Variants in LRRIQ3 observed in about 807,000 individuals in gnomAD.
LRRIQ3 encodes leucine rich repeats and IQ motif containing 3, also known as leucine-rich repeat and IQ domain-containing protein 3.
LRRIQ3 carries 75 observed loss-of-function variants against 59.3 expected under a neutral mutation model. The ratio of observed to expected loss-of-function variants is 1.26; its 90% CI spans 1.05 to 1.53. LRRIQ3 has a LOEUF of 1.53. Ranked by LOEUF, LRRIQ3 falls within the 40% of genes most tolerant of loss-of-function variation. The pLI, the probability that LRRIQ3 is intolerant of heterozygous loss-of-function variation, is 0.00. For missense variants in LRRIQ3, 831 were observed against 710.0 expected, an observed-to-expected ratio of 1.17 and a Z score of -1.94; for synonymous variants, 250 against 231.3, an observed-to-expected ratio of 1.08 and a Z score of -0.73.
At chr1:74,168,808 G>A (rs1269258392) in intron 3 of LRRIQ3, among the ~76,000 whole-genome samples, 1 of 151,892 alleles carries the variant, frequency 6.6e-6, no homozygotes, top group African/African-American at 2.4e-5. Context: ...ATTATGTATG[G>A]ACATATGTAT....
chr1:74,124,946 G>T (rs1646914196), intron 4 of LRRIQ3, among the ~76,000 whole-genome samples: 1 of 151,898 alleles, frequency 6.6e-6, no homozygotes, highest in Non-Finnish European at 1.5e-5. Context: ...AGATTGCTTT[G>T]AGTAGTATGG....
rs143515856 is a variant in LRRIQ3 at position 74,118,970 on chromosome 1, A to G, written c.708-9417T>C. 7.3e-3 allele frequency among the ~76,000 whole-genome samples: 1,104 copies of G among 152,266 alleles called. 13 individuals are homozygous for G. Among genetic ancestry groups the G allele is most frequent in the African/African-American group, 0.026 (1,067 of 41,560 alleles). On this transcript the variant is annotated intron_variant, in intron 4 of 7. Transcript: ENST00000354431. ...TTATGGAGGGTAATATGCTTCACTC[A>G]AAGTCTACAAATTTAAATGTTAATC...
At chr1:74,082,353 T>C (rs530617838) in intron 5 of LRRIQ3, 63 of 151,666 alleles carry the variant, frequency 4.2e-4, no homozygotes, top group African/African-American at 1.4e-3. Context: ...AATCTAATCA[T>C]TTTAATGAAA....
chr1:74,073,566 A>G, intron 6 of LRRIQ3, among the ~76,000 whole-genome samples: 1 of 151,768 alleles, frequency 6.6e-6, no homozygotes, highest in East Asian at 1.9e-4. Flanking sequence ...ACACACACAA[A>G]GGCTTTTCAG....
At chr1:74,140,076 C>T (rs1238788406) in intron 4 of LRRIQ3, among the ~76,000 whole-genome samples, 1 of 151,420 alleles carries the variant, frequency 6.6e-6, no homozygotes, top group Non-Finnish European at 1.5e-5. Flanking sequence ...ATTTAATACC[C>T]CAAACATCAG....
chr1:74,054,560 T>G (rs1654465086), intron 6 of LRRIQ3, among the ~76,000 whole-genome samples: 1 of 152,022 alleles, frequency 6.6e-6, no homozygotes, highest in Non-Finnish European at 1.5e-5. Flanking sequence ...TAGTTTAAGT[T>G]CATCTATTGT....
intron 4 of LRRIQ3, among the ~76,000 whole-genome samples, chr1:74,136,442 G>A (rs1349981129): frequency 2.6e-5 from 4 of 151,976 alleles, no homozygotes; most frequent in African/African-American, 9.7e-5. Context: ...TAGCACAGCA[G>A]TGAGCATCAT....
chr1:74,071,486 C>T (rs1266524175), intron 6 of LRRIQ3, among the ~76,000 whole-genome samples: 1 of 152,102 alleles, frequency 6.6e-6, no homozygotes. Context: ...TCACTAGAGA[C>T]TTTGTTTTTC....
At chr1:74,043,296 A>G (rs913998822) in intron 6 of LRRIQ3, among the ~76,000 whole-genome samples, 1 of 152,094 alleles carries the variant, frequency 6.6e-6, no homozygotes, top group African/African-American at 2.4e-5. Flanking sequence ...TTAGAAAATT[A>G]CCTTGTCTTT....
In LRRIQ3 at chr1:74,096,734, G is replaced by T. The variant is rs1303212042; in HGVS notation, c.867+12660C>A. ...CATACAGATGGGGTTTTGGTGTGGA[G>T]GTCCTTTCAGTTTGTTAGCTTTCCT... On this transcript the variant is annotated intron_variant, in intron 5 of 7. Transcript: ENST00000354431. Among the ~76,000 whole-genome samples, 7 of 152,022 alleles carry T rather than the reference G, an allele frequency of 4.6e-5. No individual in the cohort carries two copies. The East Asian group carries it at 1.2e-3, about 25-fold the overall frequency.
At chr1:74,096,021 A>C (rs2100527579) in intron 5 of LRRIQ3, among the ~76,000 whole-genome samples, 1 of 152,164 alleles carries the variant, frequency 6.6e-6, no homozygotes, top group South Asian at 2.1e-4. Flanking sequence ...GCATTAATTT[A>C]TTTAAAATAA....
intron 5 of LRRIQ3, among the ~76,000 whole-genome samples, chr1:74,079,377 T>A (rs527450652): frequency 2.0e-5 from 3 of 151,676 alleles, no homozygotes; most frequent in African/African-American, 7.3e-5. Flanking sequence ...TTGTGTAAGA[T>A]CTTTCTTCTG....
At chr1:74,157,097 T>C (rs1174955837) in intron 3 of LRRIQ3, among the ~76,000 whole-genome samples, 1 of 152,130 alleles carries the variant, frequency 6.6e-6, no homozygotes, top group Non-Finnish European at 1.5e-5. Context: ...ATTATAAACT[T>C]ATTTCCTTGG....
intron 4 of LRRIQ3, among the ~76,000 whole-genome samples, chr1:74,139,126 GTATA>G (rs61625595): frequency 0.014 from 2,080 of 148,938 alleles, 28 homozygotes; most frequent in Middle Eastern, 0.032. Context: ...ATGTGTGTGT[GTATA>G]TATATATATA....
At position 74,198,109 on chromosome 1, in the gene LRRIQ3, A is replaced by T. The variant is rs778748702; in HGVS notation, c.-114T>A. 5 of 1,363,968 alleles carry T rather than the reference A, an allele frequency of 3.7e-6. No individual in the cohort carries two copies. The highest frequency in any genetic ancestry group is 3.9e-6 in the Non-Finnish European group (4 of 1,032,934). The allele number at this position is 1,363,968 out of a possible 1,614,324, so 84.5% of individuals were successfully genotyped here. Reference sequence around the variant, plus strand: ...TCCTGAGACCGTTGCTAGAGAAACAAGACAACATCCAAGTTCTCCACATCA... The same window carrying T: ...TCCTGAGACCGTTGCTAGAGAAACATGACAACATCCAAGTTCTCCACATCA... On this transcript the variant is annotated 5_prime_UTR_variant, in exon 1 of 8. The change creates a new upstream start codon in the 5' untranslated region. Coordinates refer to ENST00000354431, the MANE Select transcript of LRRIQ3 (RefSeq NM_001105659.2).
intron 3 of LRRIQ3, among the ~76,000 whole-genome samples, chr1:74,165,135 A>C (rs753109802): frequency 6.6e-6 from 1 of 151,570 alleles, no homozygotes; most frequent in Non-Finnish European, 1.5e-5. Context: ...TTCTTTTAAC[A>C]ATTCTAGTTT....
intron 5 of LRRIQ3, among the ~76,000 whole-genome samples, chr1:74,088,257 CA>C (rs1368128366): frequency 3.9e-5 from 6 of 152,102 alleles, no homozygotes; most frequent in South Asian, 4.2e-4. Flanking sequence ...GAAAATAACA[CA>C]ACATTCATAC....
intron 3 of LRRIQ3, among the ~76,000 whole-genome samples, chr1:74,167,322 G>A (rs1390211961): frequency 6.6e-6 from 1 of 151,710 alleles, no homozygotes; most frequent in African/African-American, 2.4e-5. Flanking sequence ...GGATGAAATT[G>A]GAGACCATTA....
chr1:74,098,466 CT>C (rs1646481588), intron 5 of LRRIQ3, among the ~76,000 whole-genome samples: 1 of 152,106 alleles, frequency 6.6e-6, no homozygotes, highest in Non-Finnish European at 1.5e-5. Context: ...GAGACTTTAA[CT>C]CCCCACTGTC....
Sources: gnomAD v4.1 joint callset for allele counts (sites outside exome capture counted in the v4.1 genomes callset) on GRCh38, gnomAD v4.1.1 for gene constraint, MANE v1.5 for transcripts, NCBI Gene and HGNC (gene_info 2026-07-23, HGNC 2026-07-21) for gene names.